ENPP1: variants seen among roughly 807,000 people sequenced by gnomAD.
ENPP1 encodes the protein ectonucleotide pyrophosphatase/phosphodiesterase 1, also known as ectonucleotide pyrophosphatase/phosphodiesterase family member 1.
ENPP1 carries 73 observed loss-of-function variants against 122.8 expected under a neutral mutation model. The observed-to-expected ratio is 0.59, with a 90% CI of 0.49 to 0.72. ENPP1 has a LOEUF of 0.72. Ranked by LOEUF, ENPP1 falls within the 30% of genes least tolerant of loss-of-function variation. The probability of loss-of-function intolerance (pLI) is 0.00; values close to 1 mark genes in which losing one functional copy is unlikely to be tolerated. For synonymous variants in ENPP1, 367 were observed against 391.6 expected, an observed-to-expected ratio of 0.94 and a Z score of 0.74; for missense variants, 978 against 1,128.1, an observed-to-expected ratio of 0.87 and a Z score of 1.91.
chr6:131,873,946 A>T lies in ENPP1; in HGVS notation c.1566-322A>T, dbSNP rs9398997. ...CATTGAATTTTTACAAATAACCGAC[A>T]TGAGAAATTGAAATCAAAGAAGACA... On this transcript the variant is annotated intron_variant, in intron 15 of 24. Transcript: ENST00000647893. 4.8e-3 allele frequency among the ~76,000 whole-genome samples: 726 copies of T among 152,274 alleles called. 20 individuals are homozygous for T. Among genetic ancestry groups the T allele is most frequent in the East Asian group, 0.038 (199 of 5,188 alleles).
At chr6:131,828,072 A>G in intron 1 of ENPP1, 1 of 637,610 alleles carries the variant, frequency 1.6e-6, no homozygotes, top group Non-Finnish European at 3.0e-6. Context: ...GTTGCAAACC[A>G]ATGGAGCTGT....
At chr6:131,881,492 G>C (rs550760070) in intron 20 of ENPP1, among the ~76,000 whole-genome samples, 48 of 152,206 alleles carry the variant, frequency 3.2e-4, no homozygotes, top group African/African-American at 1.1e-3. Context: ...TTACATTGCT[G>C]TTCGGTGACT....
At chr6:131,808,745 C>T (rs1471610759) in intron 1 of ENPP1, among the ~76,000 whole-genome samples, 1 of 152,210 alleles carries the variant, frequency 6.6e-6, no homozygotes, top group African/African-American at 2.4e-5. Context: ...ATTAGGAACT[C>T]TACGGAACAC....
intron 22 of ENPP1, among the ~76,000 whole-genome samples, chr6:131,884,467 C>T (rs1782351359): frequency 6.6e-6 from 1 of 152,146 alleles, no homozygotes; most frequent in Non-Finnish European, 1.5e-5. Flanking sequence ...AATTTTTGGC[C>T]TCACACTAAG....
intron 1 of ENPP1, chr6:131,827,133 G>T: frequency 2.8e-6 from 2 of 715,912 alleles, no homozygotes; most frequent in South Asian, 2.7e-5. Flanking sequence ...GAAGACTGTT[G>T]AGCATAAAAA....
intron 1 of ENPP1, among the ~76,000 whole-genome samples, chr6:131,811,430 CTA>C (rs377274828): frequency 1.4e-5 from 2 of 141,166 alleles, no homozygotes; most frequent in East Asian, 4.3e-4. Flanking sequence ...ATATCTATAT[CTA>C]TATATATGTA....
intron 4 of ENPP1, 98 bp from the exon 5 acceptor site, chr6:131,852,077 A>C: frequency 1.3e-6 from 1 of 779,576 alleles, no homozygotes; most frequent in Non-Finnish European, 2.3e-6. Context: ...ATCTGTTCAC[A>C]TACTTTGTTT....
intron 18 of ENPP1, 39 bp from the exon 19 acceptor site, chr6:131,878,503 T>C (rs1221995633): frequency 7.7e-7 from 1 of 1,292,428 alleles, no homozygotes; most frequent in South Asian, 1.2e-5. Flanking sequence ...TTAAAACATG[T>C]CTCTCAGTCC....
chr6:131,829,526 A>G (rs536628012), intron 1 of ENPP1, among the ~76,000 whole-genome samples: 18 of 152,236 alleles, frequency 1.2e-4, no homozygotes, highest in Non-Finnish European at 2.4e-4. Context: ...CTGTCTATCT[A>G]TCCATCCATC....
At chr6:131,868,662 C>G (rs761528239) in intron 12 of ENPP1, among the ~76,000 whole-genome samples, 2 of 152,188 alleles carry the variant, frequency 1.3e-5, no homozygotes, top group Admixed American at 6.5e-5. Flanking sequence ...GCAGGCTGGT[C>G]TCAAACTCTT....
intron 1 of ENPP1, among the ~76,000 whole-genome samples, chr6:131,841,175 A>C (rs114388609): frequency 6.6e-6 from 1 of 152,214 alleles, no homozygotes; most frequent in African/African-American, 2.4e-5. Flanking sequence ...TAATGCTCCA[A>C]AGTTCTTCAG....
intron 6 of ENPP1, 68 bp from the exon 7 acceptor site, chr6:131,858,600 C>G: frequency 1.0e-6 from 1 of 971,486 alleles, no homozygotes. Context: ...GCTGTGGTAC[C>G]ACTGCTAAAT....
chr6:131,887,864 C>CT (rs576073873), intron 24 of ENPP1, among the ~76,000 whole-genome samples: 1,786 of 104,670 alleles, frequency 0.017, 49 homozygotes, highest in African/African-American at 0.032. Context: ...CGTGCCTGGC[C>CT]TTTTTTTTTT....
chr6:131,850,278 GA>G (rs1005737064), intron 3 of ENPP1, among the ~76,000 whole-genome samples, 172 bp downstream of exon 3: 5 of 151,994 alleles, frequency 3.3e-5, no homozygotes, highest in African/African-American at 2.4e-5. Flanking sequence ...TTCCTTAAGA[GA>G]AAAAAATTTA....
rs549742704 is a variant in ENPP1 at position 131,809,207 on chromosome 6, A to G, written c.240+932A>G. On this transcript the variant is annotated intron_variant, in intron 1 of 24. Transcript: ENST00000647893. ...ACAGCAAGGAAATAGAATCATTTTT[A>G]TTGTATTATATGGAAATCACAGATT... Among the ~76,000 whole-genome samples the G allele has an allele frequency of 2.0e-5, 3 of 152,328 alleles. No individual in the cohort carries two copies. The South Asian group carries it at 6.2e-4, about 32-fold the overall frequency.
At chr6:131,819,951 TTTC>T in intron 1 of ENPP1, 1 of 566,020 alleles carries the variant, frequency 1.8e-6, no homozygotes, top group South Asian at 1.6e-5. Context: ...TTTTTTTTTT[TTTC>T]GCATCTTGCT....
At chr6:131,880,428 G>A (rs1782288910) in intron 20 of ENPP1, among the ~76,000 whole-genome samples, 1 of 151,966 alleles carries the variant, frequency 6.6e-6, no homozygotes, top group Admixed American at 6.6e-5. Flanking sequence ...GCCGGGCGTG[G>A]TGGCGGGCGC....
chr6:131,869,221 C>G (rs965568199), intron 12 of ENPP1, 137 bp from the exon 13 acceptor site: 1 of 789,060 alleles, frequency 1.3e-6, no homozygotes, highest in Non-Finnish European at 2.1e-6. Flanking sequence ...TCTGTCTTAC[C>G]TATCAGATCT....
chr6:131,883,922 CA>C, intron 22 of ENPP1, 148 bp downstream of exon 22: 1 of 572,222 alleles, frequency 1.7e-6, no homozygotes, highest in Non-Finnish European at 3.2e-6. Flanking sequence ...TACTAGTACA[CA>C]AAAATTCTAC....
Sources: gnomAD v4.1 joint callset for allele counts (sites outside exome capture counted in the v4.1 genomes callset) on GRCh38, gnomAD v4.1.1 for gene constraint, MANE v1.5 for transcripts, NCBI Gene and HGNC (gene_info 2026-07-23, HGNC 2026-07-21) for gene names.